Variants in COL8A1 observed in about 807,000 individuals in gnomAD.
COL8A1 encodes collagen type VIII alpha 1 chain.
In COL8A1, 21 loss-of-function variants were observed where a neutral mutation model predicts 42.7. The ratio of observed to expected loss-of-function variants is 0.49; its 90% CI spans 0.35 to 0.71. COL8A1 has a LOEUF of 0.71. Among genes scored for constraint, COL8A1 ranks in the 30% least tolerant of loss-of-function variants. The pLI is 0.01. For missense variants in COL8A1, 788 were observed against 962.4 expected, an observed-to-expected ratio of 0.82 and a Z score of 2.40; for synonymous variants, 367 against 369.1, an observed-to-expected ratio of 0.99 and a Z score of 0.06.
intron 2 of COL8A1, among the ~76,000 whole-genome samples, chr3:99,764,761 G>A (rs1333170708): frequency 6.8e-6 from 1 of 147,480 alleles, no homozygotes; most frequent in Admixed American, 6.8e-5. Flanking sequence ...GTGCAGTGGC[G>A]AGATCTTGGT....
intron 1 of COL8A1, among the ~76,000 whole-genome samples, chr3:99,666,802 G>A (rs1299369710): frequency 2.0e-5 from 3 of 152,140 alleles, no homozygotes; most frequent in Non-Finnish European, 4.4e-5. Flanking sequence ...TTTGTGTAAT[G>A]AACTTTCAAG....
intron 1 of COL8A1, among the ~76,000 whole-genome samples, chr3:99,736,803 C>T (rs1194198074): frequency 4.6e-5 from 7 of 151,054 alleles, no homozygotes; most frequent in African/African-American, 7.3e-5. Context: ...CTTTCTGTCT[C>T]GTTGATCTGT....
At chr3:99,663,692 A>G (rs4928214) in intron 1 of COL8A1, among the ~76,000 whole-genome samples, 5,215 of 152,254 alleles carry the variant, frequency 0.034, 144 homozygotes, top group East Asian at 0.063. Flanking sequence ...GAAACAAACT[A>G]TGAAAGAAAG....
chr3:99,684,796 GGAA>G (rs1158649746), intron 1 of COL8A1, among the ~76,000 whole-genome samples: 5 of 152,284 alleles, frequency 3.3e-5, no homozygotes, highest in Non-Finnish European at 7.4e-5. Context: ...AAAGGCACTG[GGAA>G]GAAGAGGCGG....
At chr3:99,750,063 T>TC (rs1941112333) in intron 2 of COL8A1, among the ~76,000 whole-genome samples, 2 of 138,284 alleles carry the variant, frequency 1.4e-5, no homozygotes, top group African/African-American at 2.7e-5. Flanking sequence ...TTTTTTTTTT[T>TC]TTTTTTTTTT....
At chr3:99,681,125 C>T (rs1169257660) in intron 1 of COL8A1, among the ~76,000 whole-genome samples, 1 of 152,114 alleles carries the variant, frequency 6.6e-6, no homozygotes, top group African/African-American at 2.4e-5. Context: ...CAACAAAAGC[C>T]AAAATTGACA....
chr3:99,710,101 T>C (rs561376768), intron 1 of COL8A1, among the ~76,000 whole-genome samples: 7 of 152,342 alleles, frequency 4.6e-5, no homozygotes, highest in African/African-American at 1.7e-4. Context: ...TATGTGTGCA[T>C]GTGCACACAC....
chr3:99,746,628 C>A (rs1054027181), intron 2 of COL8A1, among the ~76,000 whole-genome samples: 3 of 152,236 alleles, frequency 2.0e-5, no homozygotes, highest in South Asian at 2.1e-4. Context: ...GTGGAAATAT[C>A]AAAAATACAT....
At chr3:99,793,354 A>C (rs935649929) in intron 3 of COL8A1, among the ~76,000 whole-genome samples, 1 of 152,194 alleles carries the variant, frequency 6.6e-6, no homozygotes, top group Non-Finnish European at 1.5e-5. Flanking sequence ...TCCACATTGT[A>C]TTCATGAATC....
At chr3:99,782,012 T>C (rs562088336) in intron 2 of COL8A1, among the ~76,000 whole-genome samples, 1 of 152,346 alleles carries the variant, frequency 6.6e-6, no homozygotes, top group East Asian at 1.9e-4. Context: ...CAATATTTGC[T>C]GAATGACTGC....
chr3:99,650,433 T>C (rs1293163877), intron 1 of COL8A1, among the ~76,000 whole-genome samples: 1 of 152,182 alleles, frequency 6.6e-6, no homozygotes, highest in Non-Finnish European at 1.5e-5. Context: ...GACTTTATTT[T>C]TATTTTTAAT....
intron 1 of COL8A1, among the ~76,000 whole-genome samples, chr3:99,731,319 C>A (rs1014752787): frequency 1.3e-5 from 2 of 152,072 alleles, no homozygotes; most frequent in Admixed American, 1.3e-4. Flanking sequence ...AGCGTCCAGA[C>A]AGCCATGCAG....
chr3:99,778,425 C>T (rs1331572927), intron 2 of COL8A1, among the ~76,000 whole-genome samples: 1 of 152,132 alleles, frequency 6.6e-6, no homozygotes, highest in East Asian at 1.9e-4. Context: ...TCTTAAATTG[C>T]ATATTCAGAC....
chr3:99,742,757 G>A (rs559438468), intron 1 of COL8A1, among the ~76,000 whole-genome samples: 5 of 152,084 alleles, frequency 3.3e-5, no homozygotes, highest in Non-Finnish European at 7.3e-5. Context: ...TGTGGGTCTG[G>A]GAAAGTTGTT....
intron 1 of COL8A1, among the ~76,000 whole-genome samples, chr3:99,696,976 A>ATTTTTTTTTTTT (rs34865022): frequency 1.1e-5 from 1 of 88,016 alleles, no homozygotes. Context: ...ATATACACAA[A>ATTTTTTTTTTTT]TTTTTTTTTT....
intron 1 of COL8A1, among the ~76,000 whole-genome samples, chr3:99,689,487 C>T (rs1359145776): frequency 6.6e-6 from 1 of 152,122 alleles, no homozygotes; most frequent in African/African-American, 2.4e-5. Flanking sequence ...CAGACCAGGC[C>T]CTGGAACCCA....
At chr3:99,686,349 T>G (rs1317302062) in intron 1 of COL8A1, among the ~76,000 whole-genome samples, 2 of 152,208 alleles carry the variant, frequency 1.3e-5, no homozygotes, top group East Asian at 3.8e-4. Context: ...AACAATAAAG[T>G]AGCTAATCAT....
rs748528586 is a variant in COL8A1 at position 99,795,810 on chromosome 3, A to G, written c.1909A>G (p.Lys637Glu). The G allele has an allele frequency of 1.4e-5, 22 of 1,614,030 alleles. No homozygotes were observed. Among genetic ancestry groups the G allele is most frequent in the Non-Finnish European group, 1.8e-5 (21 of 1,180,010 alleles). The change falls in exon 4 of 4, where the codon AAA becomes GAA. Residue 637 changes from lysine to glutamate, a missense_variant. Physicochemically the swap from Lys to Glu is moderately conservative, Grantham distance 56. Around this residue, in one of 4 missense-constraint regions of COL8A1, gnomAD observed 212 missense variants for 210.9 expected, o/e 1.00. Transcript: ENST00000652472. ...PPVGAPVKFN[K>E]LLYNGRQNYN... ...GGTGGGGGCCCCAGTGAAGTTTAAC[A>G]AACTGCTGTATAACGGCAGACAGAA...
At chr3:99,734,275 G>T (rs76788033) in intron 1 of COL8A1, among the ~76,000 whole-genome samples, 1 of 139,222 alleles carries the variant, frequency 7.2e-6, no homozygotes, top group South Asian at 2.3e-4. Flanking sequence ...GGGTTTTTAG[G>T]GTTTTAGGTC....
Sources: gnomAD v4.1 joint callset for allele counts (sites outside exome capture counted in the v4.1 genomes callset) on GRCh38, gnomAD v4.1.1 for gene constraint, gnomAD v4.1.1 regional missense constraint, MANE v1.5 for transcripts, NCBI Gene and HGNC (gene_info 2026-07-23, HGNC 2026-07-21) for gene names.